The following GREB1L variants were observed in gnomAD, a reference collection of about 807,000 sequenced individuals.
The protein encoded by GREB1L is GREB1 like retinoic acid receptor coactivator.
A neutral mutation model predicts 200.8 loss-of-function variants in GREB1L; 17 were observed. The ratio of observed to expected loss-of-function variants is 0.08; its 90% CI spans 0.06 to 0.13. The LOEUF (loss-of-function observed/expected upper bound fraction) is 0.13. Among genes scored for constraint, GREB1L ranks in the 10% least tolerant of loss-of-function variants. The pLI is 1.00. For missense variants in GREB1L, 1,657 were observed against 2,367.7 expected (o/e 0.70, Z 6.23); for synonymous variants, 789 against 893.0 (o/e 0.88, Z 2.08).
At chr18:21,412,246 C>CA (rs61626271) in intron 7 of GREB1L, among the ~76,000 whole-genome samples, 48,382 of 147,276 alleles carry the variant, frequency 0.33, 10,697 homozygotes, top group African/African-American at 0.6. Context: ...ACAAAAAATA[C>CA]AAAAAAAAAA....
chr18:21,522,923 A>G lies in GREB1L; in HGVS notation c.*102A>G. The G allele has an allele frequency of 9.6e-7, 1 of 1,042,648 alleles. No individual in the cohort carries two copies. The highest frequency in any genetic ancestry group is 1.4e-6 in the Non-Finnish European group (1 of 739,328). 64.6% of individuals were successfully genotyped at this position (1,042,648 alleles called of 1,614,324 possible). A position where few individuals can be genotyped will look rare whatever the true frequency, so the allele number is the denominator to read the frequency against. The stretch of plus-strand genomic sequence containing the variant: ...CTTTAAAGTACAATCACTGTGGAGC[A>G]AAGTGCAACATATTTGTCTAAATTC... On this transcript the variant is annotated 3_prime_UTR_variant, in exon 33 of 33. Transcript: ENST00000424526.
chr18:21,405,349 T>C lies in GREB1L; in HGVS notation c.832+1355T>C, dbSNP rs185947179. On this transcript the variant is annotated intron_variant, in intron 7 of 32. Coordinates refer to ENST00000424526, the MANE Select transcript of GREB1L (RefSeq NM_001142966.3). ...ATGTAATTTGATTGATCCCGTGATA[T>C]GTTATGCTGTGAAATATAATTTTTA... 5.2e-5 allele frequency among the ~76,000 whole-genome samples: 8 copies of C among 152,384 alleles called. No homozygotes were observed. In the East Asian group the frequency reaches 1.5e-3, roughly 29 times the overall value.
At chr18:21,330,232 C>A (rs2039088227) in intron 1 of GREB1L, among the ~76,000 whole-genome samples, 1 of 152,188 alleles carries the variant, frequency 6.6e-6, no homozygotes, top group Non-Finnish European at 1.5e-5. Flanking sequence ...AGCTGCAGCC[C>A]TGGCTCGTGA....
At position 21,500,600 on chromosome 18, in the gene GREB1L, C is replaced by A. The variant is rs750830542; in HGVS notation, c.4030C>A (p.Leu1344Ile). Residue 1344 changes from leucine (L) to isoleucine (I), a missense_variant, in exon 23 of 33, where the codon CTC (leucine) becomes ATC (isoleucine). Physicochemically the swap from Leu to Ile is conservative, Grantham distance 5. This residue lies in a region of GREB1L where 512 missense variants were observed against 668.3 expected (regional missense o/e 0.77). Coordinates refer to ENST00000424526, the MANE Select transcript of GREB1L (RefSeq NM_001142966.3). Reference protein sequence around the residue: ...LRILFRMLIRLLEVDVYDEEE... With the variant: ...LRILFRMLIRILEVDVYDEEE... ...GATCCTCTTCCGCATGCTCATCAGGCTCCTGGAGGTGGACGTGTATGATGA... is the reference window on the plus strand; with the variant it reads ...GATCCTCTTCCGCATGCTCATCAGGATCCTGGAGGTGGACGTGTATGATGA... 1.0e-4 allele frequency: 156 copies of A among 1,551,232 alleles called. No homozygotes were observed. The highest frequency in any genetic ancestry group is 1.3e-4 in the Non-Finnish European group (151 of 1,146,920).
At position 21,444,195 on chromosome 18, in the gene GREB1L, A is replaced by G. The variant is rs2034079420; in HGVS notation, c.1208-29A>G. 3.4e-6 allele frequency: 5 copies of G among 1,491,722 alleles called. No homozygotes were observed. The African/African-American group carries it at 4.2e-5, about 13-fold the overall frequency. 92.4% of individuals were successfully genotyped at this position (1,491,722 alleles called of 1,614,324 possible). A position where few individuals can be genotyped will look rare whatever the true frequency, so the allele number is the denominator to read the frequency against. On this transcript the variant is annotated intron_variant, in intron 10 of 32. Transcript: ENST00000424526. ...GTTGGACCATAAAAAGAAATGTTGA[A>G]CTGTACTGACCTGCTTCTATTGGGA...
At chr18:21,338,007 CTT>C (rs1195973938) in intron 1 of GREB1L, among the ~76,000 whole-genome samples, 2 of 151,960 alleles carry the variant, frequency 1.3e-5, no homozygotes, top group Non-Finnish European at 2.9e-5. Context: ...AAAAAAAATT[CTT>C]TTTTTCTCCT....
At chr18:21,477,785 CAA>C (rs560513738) in intron 17 of GREB1L, among the ~76,000 whole-genome samples, 4 of 107,630 alleles carry the variant, frequency 3.7e-5, no homozygotes, top group Non-Finnish European at 2.1e-5. Flanking sequence ...GACTCCGTCT[CAA>C]AAAAAAAAAA....
rs1351382456 is a variant in GREB1L, at chr18:21,496,680, G to T, written c.3373G>T (p.Ala1125Ser). The T allele has an allele frequency of 6.4e-7, 1 of 1,551,480 alleles. No individual in the cohort carries two copies. Among genetic ancestry groups the T allele is most frequent in the Admixed American group, 2.0e-5 (1 of 50,990 alleles). ...DLERPQSNSS[A>S]VTGTSGSIME... ...GGAGCGGCCCCAGAGCAACAGCAGCGCTGTCACAGGGACCTCGGGTCAGTA... is the reference window on the plus strand; with the variant it reads ...GGAGCGGCCCCAGAGCAACAGCAGCTCTGTCACAGGGACCTCGGGTCAGTA... The change falls in exon 21 of 33, where the codon GCT (alanine) becomes TCT (serine). Residue 1125 changes from alanine (A) to serine (S), a missense_variant. Transcript: ENST00000424526.
At chr18:21,445,707 A>G (rs1403760021) in intron 11 of GREB1L, among the ~76,000 whole-genome samples, 1 of 152,218 alleles carries the variant, frequency 6.6e-6, no homozygotes, top group Non-Finnish European at 1.5e-5. Context: ...GTGCCCTGAG[A>G]GGCTGCCTTG....
At chr18:21,245,067 A>G (rs1449378843) in intron 1 of GREB1L, among the ~76,000 whole-genome samples, 2 of 152,198 alleles carry the variant, frequency 1.3e-5, no homozygotes, top group Admixed American at 1.3e-4. Context: ...TTTGTAAAGT[A>G]CCTGCAGCCT....
At chr18:21,332,956 C>T (rs1323325933) in intron 1 of GREB1L, among the ~76,000 whole-genome samples, 4 of 152,008 alleles carry the variant, frequency 2.6e-5, no homozygotes, top group Non-Finnish European at 5.9e-5. Flanking sequence ...TGACATATAC[C>T]TGTAGTCCCA....
chr18:21,391,380 C>T lies in GREB1L; in HGVS notation c.356-4005C>T, dbSNP rs58192567. On this transcript the variant is annotated intron_variant, in intron 4 of 32. Coordinates refer to ENST00000424526, the MANE Select transcript of GREB1L (RefSeq NM_001142966.3). ...GCATTAGGCTATACCATCTAGCCTA[C>T]ATGTGTGGTAGGCTGTATCATCTGG... Among the ~76,000 whole-genome samples, 1,200 of 152,364 alleles carry T rather than the reference C, an allele frequency of 7.9e-3. 20 individuals carry two copies. Among genetic ancestry groups the T allele is most frequent in the African/African-American group, 0.028 (1,156 of 41,584 alleles).
At chr18:21,472,972 CTGTG>C (rs1052326341) in intron 15 of GREB1L, 55 bp from the exon 16 acceptor site, 1 of 1,146,156 alleles carries the variant, frequency 8.7e-7, no homozygotes, top group Non-Finnish European at 1.2e-6. Context: ...AGTCTATCTC[CTGTG>C]TGTGTGTGTA....
At chr18:21,390,389 G>T (rs575172544) in intron 4 of GREB1L, among the ~76,000 whole-genome samples, 2 of 152,228 alleles carry the variant, frequency 1.3e-5, no homozygotes, top group African/African-American at 4.8e-5. Flanking sequence ...GACCCTCCAA[G>T]CATGTTTTTG....
intron 15 of GREB1L, among the ~76,000 whole-genome samples, chr18:21,465,949 T>C (rs1207507206): frequency 6.6e-6 from 1 of 152,174 alleles, no homozygotes; most frequent in Non-Finnish European, 1.5e-5. Flanking sequence ...GTGTTTATCA[T>C]TCCCTTGCTT....
chr18:21,258,458 G>A (rs1202262142), intron 1 of GREB1L, among the ~76,000 whole-genome samples: 1 of 152,164 alleles, frequency 6.6e-6, no homozygotes, highest in African/African-American at 2.4e-5. Flanking sequence ...GGAACTGTTA[G>A]CTTTCTTCCA....
intron 25 of GREB1L, among the ~76,000 whole-genome samples, chr18:21,506,738 GC>G: frequency 6.6e-6 from 1 of 152,174 alleles, no homozygotes; most frequent in East Asian, 1.9e-4. Context: ...GGGTGGCTTG[GC>G]CAGTGGAGTC....
intron 19 of GREB1L, among the ~76,000 whole-genome samples, chr18:21,491,691 C>T (rs1466992756): frequency 1.2e-4 from 18 of 146,936 alleles, no homozygotes; most frequent in South Asian, 2.2e-4. Flanking sequence ...CCAGCCTGGG[C>T]GACAGAGCGA....
At chr18:21,425,404 A>G (rs1356549616) in intron 7 of GREB1L, among the ~76,000 whole-genome samples, 1 of 152,154 alleles carries the variant, frequency 6.6e-6, no homozygotes, top group Admixed American at 6.5e-5. Context: ...CCTTTCTCTC[A>G]CATTTCAAAC....
Sources: allele counts gnomAD v4.1 joint callset (sites outside exome capture counted in the v4.1 genomes callset), GRCh38; gene constraint gnomAD v4.1.1; regional missense constraint gnomAD v4.1.1; transcripts MANE v1.5; gene names NCBI Gene and HGNC (gene_info 2026-07-23, HGNC 2026-07-21).